FAM227B: variants seen among roughly 807,000 people sequenced by gnomAD.
FAM227B encodes the protein family with sequence similarity 227 member B.
A neutral mutation model predicts 73.8 loss-of-function variants in FAM227B; 88 were observed. That is an observed-to-expected ratio of 1.19 (90% CI 1.00 to 1.42). The LOEUF is 1.42. Ranked by LOEUF, FAM227B falls within the 40% of genes most tolerant of loss-of-function variation. The pLI, the probability that FAM227B is intolerant of heterozygous loss-of-function variation, is 0.00. For synonymous variants in FAM227B, 210 were observed against 190.5 expected, an observed-to-expected ratio of 1.10 and a Z score of -0.84; for missense variants, 632 against 590.9, an observed-to-expected ratio of 1.07 and a Z score of -0.72.
chr15:49,529,500 C>T (rs1231817186), intron 10 of FAM227B, among the ~76,000 whole-genome samples: 1 of 151,602 alleles, frequency 6.6e-6, no homozygotes, highest in Non-Finnish European at 1.5e-5. Flanking sequence ...TAAACATACA[C>T]ACAAAAGAAA....
rs554167883 is a variant in FAM227B at position 49,596,856 on chromosome 15, A to G, written c.106-6849T>C. On this transcript the variant is annotated intron_variant, in intron 3 of 15. Coordinates refer to ENST00000299338, the MANE Select transcript of FAM227B (RefSeq NM_152647.3). The stretch of plus-strand genomic sequence containing the variant: ...AGACAAAATAAACTTTAAAGCAACA[A>G]GAGTTAAAAAAGACAAAGAGGGACA... Among the ~76,000 whole-genome samples the G allele has an allele frequency of 8.9e-4, 135 of 152,096 alleles. 5 individuals carry two copies. The South Asian group carries it at 0.027, about 30-fold the overall frequency.
rs184552070 is a variant in FAM227B at position 49,451,199 on chromosome 15, G to A, written c.1012+57012C>T. Among the ~76,000 whole-genome samples, 276 of 151,724 alleles carry A rather than the reference G, an allele frequency of 1.8e-3. 2 individuals are homozygous for A. The highest frequency in any genetic ancestry group is 6.1e-3 in the African/African-American group (253 of 41,404). On this transcript the variant is annotated intron_variant, in intron 11 of 15. Coordinates refer to ENST00000299338, the MANE Select transcript of FAM227B (RefSeq NM_152647.3). ...TACTTACATATAAAATAAATAATAC[G>A]GTCATTTAAAATTTTAACCAATTAG...
chr15:49,617,522 AC>A (rs1283025770), intron 1 of FAM227B, among the ~76,000 whole-genome samples: 1 of 152,230 alleles, frequency 6.6e-6, no homozygotes, highest in East Asian at 1.9e-4. Flanking sequence ...GGATAAAAAA[AC>A]AATAATTTAG....
chr15:49,534,508 C>A (rs2060860730), intron 10 of FAM227B, among the ~76,000 whole-genome samples: 1 of 151,586 alleles, frequency 6.6e-6, no homozygotes, highest in Admixed American at 6.6e-5. Context: ...AAATGGATAG[C>A]AATACAATAA....
intron 11 of FAM227B, among the ~76,000 whole-genome samples, chr15:49,400,257 C>T (rs1280799556): frequency 0.13 from 7,842 of 58,926 alleles, 1 homozygote; most frequent in African/African-American, 0.23. Flanking sequence ...ACAATTGCTT[C>T]AAAGAGAATA....
intron 10 of FAM227B, among the ~76,000 whole-genome samples, chr15:49,517,437 G>A (rs1045698444): frequency 6.6e-6 from 1 of 152,046 alleles, no homozygotes; most frequent in Non-Finnish European, 1.5e-5. Context: ...CTTTCAACAA[G>A]TGCTTTTGCC....
chr15:49,335,608 AAG>A, intron 13 of FAM227B, 112 bp from the exon 14 acceptor site: 1 of 665,784 alleles, frequency 1.5e-6, no homozygotes, highest in African/African-American at 1.8e-5. Flanking sequence ...TTCAGTAATG[AAG>A]AGTCTCAAGT....
chr15:49,588,823 T>G (rs2076352220), intron 4 of FAM227B, among the ~76,000 whole-genome samples: 1 of 150,808 alleles, frequency 6.6e-6, no homozygotes, highest in South Asian at 2.1e-4. Flanking sequence ...TTTTAAAAAT[T>G]TACAGTTTAA....
intron 11 of FAM227B, among the ~76,000 whole-genome samples, chr15:49,458,009 C>T (rs916864609): frequency 4.6e-5 from 7 of 151,784 alleles, no homozygotes; most frequent in African/African-American, 1.4e-4. Context: ...TCCCCAAAAG[C>T]ACAATATTCA....
At chr15:49,501,307 GAT>G (rs376613339) in intron 11 of FAM227B, among the ~76,000 whole-genome samples, 82 of 152,308 alleles carry the variant, frequency 5.4e-4, no homozygotes, top group Non-Finnish European at 1.1e-3. Context: ...TGCTGATACT[GAT>G]ATGGGCAGTG....
At chr15:49,597,233 T>C (rs976920220) in intron 3 of FAM227B, among the ~76,000 whole-genome samples, 1 of 151,800 alleles carries the variant, frequency 6.6e-6, no homozygotes, top group African/African-American at 2.4e-5. Context: ...ACAAAACAAG[T>C]CTCAATAAAT....
intron 13 of FAM227B, among the ~76,000 whole-genome samples, chr15:49,351,595 T>C (rs2042250482): frequency 6.6e-6 from 1 of 152,208 alleles, no homozygotes; most frequent in African/African-American, 2.4e-5. Context: ...CGTCCCAAGT[T>C]GGGTTTTCCG....
At chr15:49,602,014 G>T (rs1431782503) in intron 3 of FAM227B, among the ~76,000 whole-genome samples, 1 of 152,156 alleles carries the variant, frequency 6.6e-6, no homozygotes, top group African/African-American at 2.4e-5. Context: ...ATGTGTAAAG[G>T]TACCACATTC....
intron 13 of FAM227B, among the ~76,000 whole-genome samples, chr15:49,361,579 G>T (rs1343817004): frequency 6.6e-6 from 1 of 152,096 alleles, no homozygotes; most frequent in East Asian, 1.9e-4. Flanking sequence ...ACATGATCTT[G>T]TTAGTTTTTA....
chr15:49,549,839 C>A lies in FAM227B; in HGVS notation c.748-8033G>T, dbSNP rs1427282872. Among the ~76,000 whole-genome samples the A allele has an allele frequency of 1.1e-4, 16 of 152,202 alleles. 1 individual carries two copies. Among genetic ancestry groups the A allele is most frequent in the Non-Finnish European group, 2.4e-4 (16 of 68,020 alleles). On this transcript the variant is annotated intron_variant, in intron 9 of 15. Coordinates refer to ENST00000299338, the MANE Select transcript of FAM227B (RefSeq NM_152647.3). ...CGCTCTCAATGAGCTGTTGGGTACA[C>A]CTCCCAGACGGGGTGGTGGCCGGGC...
chr15:49,443,923 GT>G (rs869079929), intron 11 of FAM227B, among the ~76,000 whole-genome samples: 2 of 134,244 alleles, frequency 1.5e-5, no homozygotes, highest in Admixed American at 1.7e-4. Context: ...TTCCCTGAGA[GT>G]CAGTTGTTAA....
intron 11 of FAM227B, among the ~76,000 whole-genome samples, chr15:49,459,974 C>G (rs2053647519): frequency 6.6e-6 from 1 of 152,068 alleles, no homozygotes; most frequent in Non-Finnish European, 1.5e-5. Flanking sequence ...TTTTATCCAC[C>G]CACACACTGT....
At chr15:49,494,336 A>G (rs1013058641) in intron 11 of FAM227B, among the ~76,000 whole-genome samples, 3 of 151,900 alleles carry the variant, frequency 2.0e-5, no homozygotes, top group Admixed American at 6.6e-5. Context: ...CAGTTGAACA[A>G]AGAAACGTAT....
intron 11 of FAM227B, among the ~76,000 whole-genome samples, chr15:49,467,006 C>T (rs1407231021): frequency 6.6e-6 from 1 of 152,074 alleles, no homozygotes; most frequent in Non-Finnish European, 1.5e-5. Context: ...TGCTGATGAC[C>T]AGCATGATTT....
Sources: gnomAD v4.1 joint callset for allele counts (sites outside exome capture counted in the v4.1 genomes callset) on GRCh38, gnomAD v4.1.1 for gene constraint, MANE v1.5 for transcripts, NCBI Gene and HGNC (gene_info 2026-07-23, HGNC 2026-07-21) for gene names.